PREX1: variants seen among roughly 807,000 people sequenced by gnomAD.
PREX1 encodes the protein phosphatidylinositol-3,4,5-trisphosphate dependent Rac exchange factor 1, also known as phosphatidylinositol 3,4,5-trisphosphate-dependent Rac exchanger 1 protein.
A neutral mutation model predicts 198.3 loss-of-function variants in PREX1; 41 were observed. The ratio of observed to expected loss-of-function variants is 0.21; its 90% confidence interval spans 0.16 to 0.27. PREX1 has a LOEUF of 0.27. Among genes scored for constraint, PREX1 ranks in the 10% least tolerant of loss-of-function variants. PREX1 has a pLI of 1.00. For synonymous variants in PREX1, 843 were observed against 887.2 expected (o/e 0.95, Z 0.89); for missense variants, 1,620 against 2,200.7 (o/e 0.74, Z 5.28).
intron 5 of PREX1, among the ~76,000 whole-genome samples, chr20:48,716,781 C>T (rs569317087): frequency 2.0e-5 from 3 of 152,298 alleles, no homozygotes; most frequent in Non-Finnish European, 2.9e-5. Flanking sequence ...CCTACGCAAA[C>T]GCTGGGAAAG....
intron 20 of PREX1, 74 bp from the exon 21 acceptor site, chr20:48,652,780 A>C: frequency 1.3e-6 from 2 of 1,498,158 alleles, no homozygotes; most frequent in Non-Finnish European, 1.8e-6. Flanking sequence ...CGAGGTGTGA[A>C]CTGCCCCTGG....
rs535831752 is a variant in PREX1 at position 48,772,397 on chromosome 20, G to A, written c.220-24517C>T. ...AGCCCTGTTTCTGGTGAATCAGGCC[G>A]GCCCCTGTCCCTGTGACACTGGGTG... On this transcript the variant is annotated intron_variant, in intron 1 of 39. Transcript: ENST00000371941. Among the ~76,000 whole-genome samples, 9 of 152,216 alleles carry A rather than the reference G, an allele frequency of 5.9e-5. No homozygotes were observed. The South Asian group carries it at 6.2e-4, about 11-fold the overall frequency.
chr20:48,648,887 T>C (rs2122888235), intron 25 of PREX1, among the ~76,000 whole-genome samples: 1 of 152,342 alleles, frequency 6.6e-6, no homozygotes. Context: ...TGGGCGGGGC[T>C]GCGTCTGTGT....
intron 7 of PREX1, among the ~76,000 whole-genome samples, chr20:48,697,829 C>G (rs1047570947): frequency 6.6e-6 from 1 of 152,186 alleles, no homozygotes; most frequent in African/African-American, 2.4e-5. Flanking sequence ...CTCCCGTTTT[C>G]CACTTCTGAC....
the PREX1 span, among the ~76,000 whole-genome samples, chr20:48,880,702 C>T: frequency 1.3e-5 from 2 of 152,106 alleles, no homozygotes; most frequent in Admixed American, 1.3e-4. Context: ...GAAATGTAAT[C>T]TCTTAGTTGT....
chr20:48,827,796 G>A lies in PREX1; in HGVS notation c.65C>T (p.Pro22Leu), dbSNP rs1194566612. ...DGAGDCAHPD[P>L]RAPGAAAPSS... ...GGGCGCCGCGGCGCCAGGGGCCCGG[G>A]GGTCCGGGTGGGCGCAGTCCCCGGC... is the stretch of plus-strand genomic sequence containing the variant. The change falls in exon 1 of 40, where the codon CCC becomes CTC. Residue 22 changes from proline to leucine, a missense_variant. By Grantham distance (98) the Pro-to-Leu change is moderately conservative. Transcript: ENST00000371941. This position sits in a 1 kb window ranked among gnomAD's most constrained non-coding sequence, Gnocchi z 4.1. 9.2e-7 allele frequency: 1 copy of A among 1,084,170 alleles called. No homozygotes were observed. The highest frequency in any genetic ancestry group is 1.1e-6 in the Non-Finnish European group (1 of 888,396). The allele number at this position is 1,084,170 out of a possible 1,614,324, so 67.2% of individuals were successfully genotyped here.
intron 32 of PREX1, among the ~76,000 whole-genome samples, chr20:48,635,359 C>T (rs955361681): frequency 6.6e-6 from 1 of 152,182 alleles, no homozygotes; most frequent in Non-Finnish European, 1.5e-5. Flanking sequence ...CCACTCTCTG[C>T]CCCCAAACAA....
chr20:48,833,878 T>C, the PREX1 span, among the ~76,000 whole-genome samples: 2 of 152,044 alleles, frequency 1.3e-5, no homozygotes, highest in Non-Finnish European at 2.9e-5. Flanking sequence ...GGTGAGGAAA[T>C]TGAGACCATC....
rs893399978 is a variant in PREX1, at chr20:48,649,641, G to A, written c.3029-65C>T. The stretch of plus-strand genomic sequence containing the variant: ...CCAGCATCCACTGGGCCTTTGGGCG[G>A]AACAATACAAACCCATTTCAAGGAT... On this transcript the variant is annotated intron_variant, in intron 24 of 39. Transcript: ENST00000371941. 9 of 1,494,456 alleles carry A rather than the reference G, an allele frequency of 6.0e-6. No homozygotes were observed. The African/African-American group carries it at 9.8e-5, about 16-fold the overall frequency. 92.6% of individuals were successfully genotyped at this position (1,494,456 alleles called of 1,614,324 possible). A position where few individuals can be genotyped will look rare whatever the true frequency, so the allele number is the denominator to read the frequency against.
intron 35 of PREX1, 63 bp downstream of exon 35, chr20:48,632,213 CT>C: frequency 1.3e-6 from 2 of 1,509,332 alleles, no homozygotes; most frequent in Non-Finnish European, 1.8e-6. Flanking sequence ...ACCTTCCATG[CT>C]AATGCCCACT....
the PREX1 span, among the ~76,000 whole-genome samples, chr20:48,872,614 C>T: frequency 6.6e-6 from 1 of 152,122 alleles, no homozygotes; most frequent in African/African-American, 2.4e-5. Context: ...GGTATGGTGC[C>T]AGGCACCTGT....
At chr20:48,800,688 T>C (rs956415610) in intron 1 of PREX1, among the ~76,000 whole-genome samples, 2 of 152,158 alleles carry the variant, frequency 1.3e-5, no homozygotes, top group South Asian at 2.1e-4. Flanking sequence ...CAGCTATCCA[T>C]GTACTGAGCC....
In PREX1 at chr20:48,636,642, C is replaced by T. The variant is rs2089367101; in HGVS notation, c.3988G>A (p.Ala1330Thr). Residue 1330 changes from alanine to threonine, a missense_variant, in exon 32 of 40, where the codon GCC becomes ACC. Ala to Thr is a moderately conservative substitution (Grantham distance 58). Transcript: ENST00000371941. ...QLRRDAIFCQ[A>T]LVAAVCTFSK... ...AAGGTGCACACGGCGGCCACCAGGG[C>T]CTGGCAGAAGATCGCGTCTCTGCGC... The T allele has an allele frequency of 6.2e-7, 1 of 1,610,980 alleles. No individual in the cohort carries two copies. Among genetic ancestry groups the T allele is most frequent in the Non-Finnish European group, 8.5e-7 (1 of 1,179,294 alleles).
chr20:48,661,547 A>G lies in PREX1; in HGVS notation c.1739-1486T>C, dbSNP rs866294422. On this transcript the variant is annotated intron_variant, in intron 15 of 39. Coordinates refer to ENST00000371941, the MANE Select transcript of PREX1 (RefSeq NM_020820.4). ...ATATAATGTGTGTGTGTGTGTGTAT[A>G]TATATATATACACACACACACACAC... Among the ~76,000 whole-genome samples, 74 of 125,988 alleles carry G rather than the reference A, an allele frequency of 5.9e-4. 1 individual carries two copies. Among genetic ancestry groups the G allele is most frequent in the African/African-American group, 2.1e-3 (71 of 34,284 alleles). The allele number at this position is 125,988 out of a possible 152,430, so 82.7% of individuals were successfully genotyped here.
At chr20:48,648,602 A>G (rs2089468273) in intron 25 of PREX1, among the ~76,000 whole-genome samples, 3 of 152,146 alleles carry the variant, frequency 2.0e-5, no homozygotes, top group Middle Eastern at 6.8e-3. Flanking sequence ...GTGGACAAAC[A>G]CCCCTGATTG....
chr20:48,718,828 TATA>T (rs1243597613), intron 5 of PREX1, among the ~76,000 whole-genome samples: 3 of 152,334 alleles, frequency 2.0e-5, no homozygotes, highest in Admixed American at 6.5e-5. Flanking sequence ...ATTTCATCTT[TATA>T]ATAACCAATA....
rs2089509384 is a variant in PREX1, at chr20:48,652,716, G to C, written c.2347-10C>G. 6.2e-7 allele frequency: 1 copy of C among 1,610,206 alleles called. No homozygotes were observed. Among genetic ancestry groups the C allele is most frequent in the Non-Finnish European group, 8.5e-7 (1 of 1,177,932 alleles). Reference sequence around the variant, plus strand: ...TCCACTGGTACAGGCCCTGCCAGAAGCCAGAGTAAGGGGACAGCCATGGTG... The same window carrying C: ...TCCACTGGTACAGGCCCTGCCAGAACCCAGAGTAAGGGGACAGCCATGGTG... On this transcript the variant is annotated splice_polypyrimidine_tract_variant and intron_variant, in intron 20 of 39. Transcript: ENST00000371941.
rs113696782 is a variant in PREX1 at position 48,767,119 on chromosome 20, C to T, written c.220-19239G>A. ...CTCCCACACTCTGTTCCCTCGTCCG[C>T]GAAACGGGGAACAGTGGTCAGATGA... On this transcript the variant is annotated intron_variant, in intron 1 of 39. Transcript: ENST00000371941. 4.3e-3 allele frequency among the ~76,000 whole-genome samples: 649 copies of T among 152,290 alleles called. 8 individuals are homozygous for T. Among genetic ancestry groups the T allele is most frequent in the African/African-American group, 0.014 (575 of 41,548 alleles).
intron 37 of PREX1, 150 bp from the exon 38 acceptor site, chr20:48,628,113 G>T: frequency 1.6e-6 from 1 of 619,606 alleles, no homozygotes; most frequent in Non-Finnish European, 2.8e-6. Context: ...TCACGGCAAC[G>T]CCTCCTCCTG....
Sources: gnomAD v4.1 joint callset for allele counts (sites outside exome capture counted in the v4.1 genomes callset) on GRCh38, gnomAD v4.1.1 for gene constraint, Gnocchi (gnomAD v3.1) non-coding constraint, MANE v1.5 for transcripts, NCBI Gene and HGNC (gene_info 2026-07-23, HGNC 2026-07-21) for gene names.